Variants in RAD54L observed in about 807,000 individuals in gnomAD.
RAD54L encodes the protein RAD54 like.
In RAD54L, 74 loss-of-function variants were observed where a neutral mutation model predicts 91.6. The ratio of observed to expected loss-of-function variants is 0.81; its 90% confidence interval spans 0.67 to 0.98. RAD54L has a LOEUF of 0.98. Among genes scored for constraint, RAD54L ranks in the 50% least tolerant of loss-of-function variants. The probability of loss-of-function intolerance (pLI) is 0.00; values close to 1 mark genes in which losing one functional copy is unlikely to be tolerated. For missense variants in RAD54L, 887 were observed against 945.7 expected, an observed-to-expected ratio of 0.94 and a Z score of 0.81; for synonymous variants, 304 against 349.7, an observed-to-expected ratio of 0.87 and a Z score of 1.46.
intron 3 of RAD54L, among the ~76,000 whole-genome samples, chr1:46,252,076 A>C (rs957546864): frequency 1.3e-5 from 2 of 152,188 alleles, no homozygotes; most frequent in African/African-American, 4.8e-5. Context: ...CCTCTGAGAG[A>C]TGTGCTGTTA....
intron 3 of RAD54L, among the ~76,000 whole-genome samples, chr1:46,251,989 T>A (rs1203298498): frequency 9.9e-5 from 15 of 152,198 alleles, no homozygotes. Flanking sequence ...AGTTGTCCTG[T>A]GTAACTACAT....
intron 16 of RAD54L, among the ~76,000 whole-genome samples, chr1:46,275,580 A>T (rs1363756867): frequency 6.6e-6 from 1 of 152,246 alleles, no homozygotes; most frequent in East Asian, 1.9e-4. Context: ...CACCAGCTAC[A>T]TTGCATTTAC....
rs1415451268 is a variant in RAD54L, at chr1:46,261,358, A to G, written c.864A>G (p.Gly288=). The G allele has an allele frequency of 2.5e-6, 4 of 1,613,848 alleles. No individual in the cohort carries two copies. Among genetic ancestry groups the G allele is most frequent in the Non-Finnish European group, 3.4e-6 (4 of 1,179,984 alleles). Residue 288 remains glycine (G), a synonymous_variant, in exon 8 of 18, where the codon GGA becomes GGG. Transcript: ENST00000371975. Reference sequence around the variant, plus strand: ...TTCATGTTGGAGTCCTCCAGAAAGGAAGTGTTGGTCTGGTCATATGTGACG... The same window carrying G: ...TTCATGTTGGAGTCCTCCAGAAAGGGAGTGTTGGTCTGGTCATATGTGACG... The part of the protein sequence containing the change: ...FRLHVGVLQK[G]SVGLVICDEG...
chr1:46,248,717 C>G, intron 2 of RAD54L, 119 bp downstream of exon 2: 1 of 857,540 alleles, frequency 1.2e-6, no homozygotes, highest in Non-Finnish European at 1.9e-6. Context: ...GTTCAATAAA[C>G]TTTTAGTGAG....
chr1:46,251,298 G>T (rs972825858), intron 3 of RAD54L, among the ~76,000 whole-genome samples: 1 of 152,128 alleles, frequency 6.6e-6, no homozygotes, highest in Non-Finnish European at 1.5e-5. Flanking sequence ...GGCGACAAGA[G>T]TGAAAATCCG....
In RAD54L at chr1:46,273,409, C is replaced by T; in HGVS notation, c.1430C>T (p.Ala477Val). ...CVEEEDGFVG[A>V]LDLFPPGYSS... ...GAAGAGGAGGATGGCTTTGTGGGTG[C>T]CTTGGACCTCTTCCCTCCTGGTTAC... The change falls in exon 13 of 18, where the codon GCC becomes GTC. Residue 477 changes from alanine to valine, a missense_variant. Physicochemically the swap from Ala to Val is moderately conservative, Grantham distance 64. Transcript: ENST00000371975. The T allele has an allele frequency of 1.2e-6, 2 of 1,614,046 alleles. No homozygotes were observed. The highest frequency in any genetic ancestry group is 1.7e-6 in the Non-Finnish European group (2 of 1,179,954).
rs35831141 is a variant in RAD54L, at chr1:46,265,174, AT to A, written c.892-2275del. 1.3e-5 allele frequency among the ~76,000 whole-genome samples: 2 copies of A among 151,416 alleles called. No individual in the cohort carries two copies. Among genetic ancestry groups the A allele is most frequent in the African/African-American group, 2.4e-5 (1 of 41,122 alleles). ...GGGCTAGTACTTGGAGCCTCTAATA[AT>A]TTTTTTTTTCTTAATTAAATTTCTA... On this transcript the variant is annotated intron_variant, in intron 8 of 17. Coordinates refer to ENST00000371975, the MANE Select transcript of RAD54L (RefSeq NM_003579.4). The surrounding 1 kb of genome is among the most constrained non-coding windows in gnomAD (Gnocchi z 4.8).
chr1:46,274,347 C>A, intron 15 of RAD54L, 131 bp downstream of exon 15: 1 of 1,264,566 alleles, frequency 7.9e-7, no homozygotes, highest in South Asian at 1.2e-5. Context: ...TAGGATTTGT[C>A]TGGTTGGTGA....
At chr1:46,271,546 T>A (rs1660425829) in intron 10 of RAD54L, among the ~76,000 whole-genome samples, 2 of 152,026 alleles carry the variant, frequency 1.3e-5, no homozygotes, top group African/African-American at 4.8e-5. Context: ...TAGTCCCGGT[T>A]ACTCTGGAGG....
chr1:46,252,336 G>C (rs1359454148), intron 3 of RAD54L, among the ~76,000 whole-genome samples: 1 of 152,088 alleles, frequency 6.6e-6, no homozygotes, highest in Admixed American at 6.6e-5. Context: ...TGTTTTAAGT[G>C]GGGGTAGGAG....
chr1:46,261,817 G>T (rs1435615969), intron 8 of RAD54L, among the ~76,000 whole-genome samples: 1 of 152,128 alleles, frequency 6.6e-6, no homozygotes, highest in Non-Finnish European at 1.5e-5. Context: ...TTCCAAAGAG[G>T]TTTTTGAGGA....
At chr1:46,270,537 A>G (rs1392085675) in intron 9 of RAD54L, 122 bp from the exon 10 acceptor site, 3 of 1,339,106 alleles carry the variant, frequency 2.2e-6, no homozygotes, top group African/African-American at 2.9e-5. Flanking sequence ...ATTGGCCTAT[A>G]TTTTGTTTAG....
intron 2 of RAD54L, among the ~76,000 whole-genome samples, chr1:46,249,559 G>A (rs1332655447): frequency 6.6e-6 from 1 of 152,206 alleles, no homozygotes; most frequent in African/African-American, 2.4e-5. Context: ...TAGTGCCAGT[G>A]TCCTCACAGC....
chr1:46,260,151 A>C, intron 5 of RAD54L, 52 bp downstream of exon 5: 1 of 1,611,036 alleles, frequency 6.2e-7, no homozygotes, highest in Non-Finnish European at 8.5e-7. Flanking sequence ...ATATGCACGC[A>C]TACTTGGGAG....
At chr1:46,256,277 C>T (rs1659938243) in intron 3 of RAD54L, among the ~76,000 whole-genome samples, 1 of 152,068 alleles carries the variant, frequency 6.6e-6, no homozygotes. Flanking sequence ...GGGGGTCTCA[C>T]TACGTTGCCT....
rs1472660352 is a variant in RAD54L, at chr1:46,273,472, CT to C, written c.1486+11del. ...CTGGAGCCCCAGCTGTCAGGTGACC[CT>C]TTTCCTACCAGTATTTGGGCTTCTC... On this transcript the variant is annotated splice_region_variant and intron_variant, in intron 13 of 17. Transcript: ENST00000371975. 1.2e-6 allele frequency: 2 copies of C among 1,612,392 alleles called. No homozygotes were observed. Among genetic ancestry groups the C allele is most frequent in the Admixed American group, 1.7e-5 (1 of 60,008 alleles).
At position 46,278,237 on chromosome 1, in the gene RAD54L, C is replaced by T. The variant is rs753869856; in HGVS notation, c.2199C>T (p.Phe733=). 8.7e-6 allele frequency: 14 copies of T among 1,613,796 alleles called. No individual in the cohort carries two copies. In the Admixed American group the frequency reaches 1.3e-4, roughly 15 times the overall value. ...AWDAASTAIT[F]VFHQRSHEEQ... The stretch of plus-strand genomic sequence containing the variant: ...ATGCTGCCTCCACTGCCATCACCTT[C>T]GTCTTCCACCAGCGTTCTCATGAGG... The change falls in exon 18 of 18, where the codon TTC becomes TTT. Residue 733 remains phenylalanine (F), a synonymous_variant. Transcript: ENST00000371975.
intron 3 of RAD54L, among the ~76,000 whole-genome samples, chr1:46,254,093 G>C (rs1197251974): frequency 6.6e-6 from 1 of 151,858 alleles, no homozygotes; most frequent in Non-Finnish European, 1.5e-5. Flanking sequence ...TCCTGCCTCA[G>C]CTTCCTGAGT....
Position 46,258,679 on chromosome 1 carries a change from T to C in RAD54L, c.211-7T>C. ...GTCCTGAATCCTTGTTTCTCCTTTCTTTTTAGGAAGCATTTATTCGAAGCA... is the reference window on the plus strand; with the variant it reads ...GTCCTGAATCCTTGTTTCTCCTTTCCTTTTAGGAAGCATTTATTCGAAGCA... On this transcript the variant is annotated splice_region_variant and splice_polypyrimidine_tract_variant and intron_variant, in intron 3 of 17. Coordinates refer to ENST00000371975, the MANE Select transcript of RAD54L (RefSeq NM_003579.4). The C allele has an allele frequency of 6.3e-7, 1 of 1,596,094 alleles. No homozygotes were observed. The highest frequency in any genetic ancestry group is 8.6e-7 in the Non-Finnish European group (1 of 1,163,518).
Sources: allele counts gnomAD v4.1 joint callset (sites outside exome capture counted in the v4.1 genomes callset), GRCh38; gene constraint gnomAD v4.1.1; non-coding constraint Gnocchi (gnomAD v3.1); transcripts MANE v1.5; gene names NCBI Gene and HGNC (gene_info 2026-07-23, HGNC 2026-07-21).